VARS2: variants seen among roughly 807,000 people sequenced by gnomAD.
VARS2 encodes the protein valyl-tRNA synthetase 2, mitochondrial.
A neutral mutation model predicts 154.1 loss-of-function variants in VARS2; 105 were observed. The ratio of observed to expected loss-of-function variants is 0.68; its 90% CI spans 0.58 to 0.80. The LOEUF (loss-of-function observed/expected upper bound fraction) is 0.80. Ranked by LOEUF, VARS2 falls within the 30% of genes least tolerant of loss-of-function variation. The pLI is 0.00. For synonymous variants in VARS2, 483 were observed against 539.5 expected (o/e 0.90, Z 1.45); for missense variants, 1,157 against 1,361.4 (o/e 0.85, Z 2.36).
At chr6:30,915,523 C>A in intron 4 of VARS2, 68 bp downstream of exon 4, 3 of 1,513,754 alleles carry the variant, frequency 2.0e-6, no homozygotes, top group South Asian at 1.2e-5. Flanking sequence ...TACAACTGGA[C>A]CTCAGAGTTG....
chr6:30,914,341 C>A lies in VARS2; in HGVS notation c.-31C>A. On this transcript the variant is annotated 5_prime_UTR_variant, in exon 1 of 30. Coordinates refer to ENST00000676266, the MANE Select transcript of VARS2 (RefSeq NM_020442.6). ...GCGCCCTGGGATAGCGGCGGGGCCT[C>A]CTGGTGAGCGCGCGCCGGGGCGGCC... The A allele has an allele frequency of 1.6e-6, 2 of 1,236,222 alleles. No individual in the cohort carries two copies. The highest frequency in any genetic ancestry group is 2.0e-6 in the Non-Finnish European group (2 of 987,126). 76.6% of individuals were successfully genotyped at this position (1,236,222 alleles called of 1,614,324 possible).
intron 27 of VARS2, 76 bp from the exon 28 acceptor site, chr6:30,925,468 C>T: frequency 1.9e-6 from 3 of 1,563,052 alleles, no homozygotes; most frequent in Admixed American, 1.9e-5. Flanking sequence ...AAGGGCCAAC[C>T]CCCCCGTTAG....
chr6:30,917,267 C>G lies in VARS2; in HGVS notation c.873+43C>G. ...AAGCAGGTTTGTGAGAGCTCTGAGG[C>G]AGAGTGGTCAATGATTAAGAGCTCA... On this transcript the variant is annotated intron_variant, in intron 9 of 29. Coordinates refer to ENST00000676266, the MANE Select transcript of VARS2 (RefSeq NM_020442.6). The surrounding 1 kb of genome is among the most constrained non-coding windows in gnomAD (Gnocchi z 4.4). 3 of 1,613,378 alleles carry G rather than the reference C, an allele frequency of 1.9e-6. No homozygotes were observed. The South Asian group carries it at 3.3e-5, about 18-fold the overall frequency.
Position 30,926,097 on chromosome 6 carries a change from C to T in VARS2, c.3091-12C>T. 2 of 1,613,094 alleles carry T rather than the reference C, an allele frequency of 1.2e-6. No homozygotes were observed. The highest frequency in any genetic ancestry group is 1.7e-6 in the Non-Finnish European group (2 of 1,180,024). On this transcript the variant is annotated splice_polypyrimidine_tract_variant and intron_variant, in intron 29 of 29. Transcript: ENST00000676266. ...CATTCCTGGATCCTCACCTCCTTTT[C>T]TCCTCGTCCAGCTTTCTTCCCTCCA...
Position 30,926,195 on chromosome 6 carries a change from G to A in VARS2, c.3177G>A (p.Gly1059=), listed in dbSNP as rs1319751908. 3 of 1,613,090 alleles carry A rather than the reference G, an allele frequency of 1.9e-6. No homozygotes were observed. Among genetic ancestry groups the A allele is most frequent in the Non-Finnish European group, 2.5e-6 (3 of 1,180,024 alleles). ...TGATGGATGAGCCTCCAGCCCCAGG[G>A]AGCCCGGAGCTCTAACTCATCATCC... ...RQLMDEPPAP[G]SPEL is the part of the protein sequence containing the mutation. Residue 1059 remains glycine, a synonymous_variant, in exon 30 of 30, where the codon GGG becomes GGA. Coordinates refer to ENST00000676266, the MANE Select transcript of VARS2 (RefSeq NM_020442.6).
rs1443080270 is a variant in VARS2 at position 30,917,513 on chromosome 6, T to G, written c.874-182T>G. ...CATGGCTTAAGTGCTCAGTGAATAT[T>G]TATTAGAAGTGTGACTGCACGAGCA... On this transcript the variant is annotated intron_variant, in intron 9 of 29. Transcript: ENST00000676266. This position sits in a 1 kb window ranked among gnomAD's most constrained non-coding sequence, Gnocchi z 4.4. 6.6e-6 allele frequency among the ~76,000 whole-genome samples: 1 copy of G among 152,236 alleles called. No homozygotes were observed. Among genetic ancestry groups the G allele is most frequent in the African/African-American group, 2.4e-5 (1 of 41,450 alleles).
At position 30,916,603 on chromosome 6, in the gene VARS2, G is replaced by A; in HGVS notation, c.672-275G>A. 1.9e-6 allele frequency: 1 copy of A among 517,960 alleles called. No individual in the cohort carries two copies. Among genetic ancestry groups the A allele is most frequent in the East Asian group, 3.2e-5 (1 of 31,480 alleles). The allele number at this position is 517,960 out of a possible 1,614,324, so 32.1% of individuals were successfully genotyped here. A position where few individuals can be genotyped will look rare whatever the true frequency, so the allele number is the denominator to read the frequency against. On this transcript the variant is annotated intron_variant, in intron 7 of 29. Transcript: ENST00000676266. The surrounding 1 kb of genome is among the most constrained non-coding windows in gnomAD (Gnocchi z 4.0). ...CATGGAATTACCCTCATTCTTCTGG[G>A]TCTGTTATCTCATGCCATCTCTGTG...
intron 25 of VARS2, chr6:30,924,027 C>T: frequency 2.1e-6 from 1 of 471,676 alleles, no homozygotes. Flanking sequence ...GGTGCTGCTG[C>T]TGCTGGCTGT....
chr6:30,921,433 T>C lies in VARS2; in HGVS notation c.1632+128T>C. On this transcript the variant is annotated intron_variant, in intron 17 of 29. Coordinates refer to ENST00000676266, the MANE Select transcript of VARS2 (RefSeq NM_020442.6). The surrounding 1 kb of genome is among the most constrained non-coding windows in gnomAD (Gnocchi z 4.6). ...CTTCATGCTCATAGTCATGTAACCT[T>C]CTGCGCGATCAAGGCTCCCTGAAGT... The C allele has an allele frequency of 1.4e-6, 2 of 1,432,620 alleles. No individual in the cohort carries two copies. Among genetic ancestry groups the C allele is most frequent in the Non-Finnish European group, 1.9e-6 (2 of 1,035,830 alleles). 88.7% of individuals were successfully genotyped at this position (1,432,620 alleles called of 1,614,324 possible).
chr6:30,915,822 T>C lies in VARS2; in HGVS notation c.461T>C (p.Ile154Thr). Residue 154 changes from isoleucine to threonine, a missense_variant, in exon 5 of 30, where the codon ATT becomes ACT. Transcript: ENST00000676266. ...CCCAATGTCACTGGCTCCCTGCACA[T>C]TGGCCACGCACTCACGGTGGCCATA... ...PPPNVTGSLH[I>T]GHALTVAIQD... The C allele has an allele frequency of 6.2e-7, 1 of 1,614,112 alleles. No individual in the cohort carries two copies. The highest frequency in any genetic ancestry group is 1.1e-5 in the South Asian group (1 of 91,080).
intron 23 of VARS2, 54 bp downstream of exon 23, chr6:30,923,030 A>T: frequency 6.2e-7 from 1 of 1,605,802 alleles, no homozygotes; most frequent in Non-Finnish European, 8.5e-7. Flanking sequence ...GCACCTGTGC[A>T]GGGGCAGGGC....
At position 30,917,070 on chromosome 6, in the gene VARS2, G is replaced by T; in HGVS notation, c.754-35G>T. 3.1e-6 allele frequency: 5 copies of T among 1,614,232 alleles called. No individual in the cohort carries two copies. The highest frequency in any genetic ancestry group is 4.2e-6 in the Non-Finnish European group (5 of 1,180,046). ...CCTGAGCAGGGTGATGGGCTGAGAA[G>T]TGGCTCTTAGAGGTGGACACTCAGG... On this transcript the variant is annotated intron_variant, in intron 8 of 29. Transcript: ENST00000676266. This position sits in a 1 kb window ranked among gnomAD's most constrained non-coding sequence, Gnocchi z 4.4.
intron 2 of VARS2, 40 bp from the exon 3 acceptor site, chr6:30,915,116 G>A (rs969635642): frequency 3.7e-6 from 6 of 1,611,664 alleles, no homozygotes; most frequent in Non-Finnish European, 5.1e-6. Flanking sequence ...TGCAGTCTGG[G>A]GTATACTGGA....
chr6:30,917,934 T>A lies in VARS2; in HGVS notation c.985+128T>A. 1.0e-6 allele frequency: 1 copy of A among 960,714 alleles called. No individual in the cohort carries two copies. Among genetic ancestry groups the A allele is most frequent in the Non-Finnish European group, 1.6e-6 (1 of 633,610 alleles). 59.5% of individuals were successfully genotyped at this position (960,714 alleles called of 1,614,324 possible). A position where few individuals can be genotyped will look rare whatever the true frequency, so the allele number is the denominator to read the frequency against. ...TACCTTGGTAGTGTTCACCTCAGCG[T>A]GGGCACTTACCCAGGGTCTTCTGGG... On this transcript the variant is annotated intron_variant, in intron 10 of 29. Transcript: ENST00000676266. This position sits in a 1 kb window ranked among gnomAD's most constrained non-coding sequence, Gnocchi z 4.4.
chr6:30,915,507 C>T (rs188676932), intron 4 of VARS2, 52 bp downstream of exon 4: 2 of 1,562,484 alleles, frequency 1.3e-6, no homozygotes, highest in Admixed American at 1.7e-5. Context: ...CAGAGTGGCC[C>T]TTGAATACAA....
intron 21 of VARS2, 28 bp downstream of exon 21, chr6:30,922,582 C>A (rs1422781348): frequency 1.9e-6 from 3 of 1,558,568 alleles, no homozygotes; most frequent in Non-Finnish European, 2.6e-6. Context: ...ACTAGAGGGA[C>A]AAGGTTTGCA....
rs865856017 is a variant in VARS2, at chr6:30,922,465, A to C, written c.1948A>C (p.Met650Leu). Reference sequence around the variant, plus strand: ...CTGCCCCCAGGTGCTTCTTCATCCCATGGTTCGGGACAGGCAGGGCCGGAA... The same window carrying C: ...CTGCCCCCAGGTGCTTCTTCATCCCCTGGTTCGGGACAGGCAGGGCCGGAA... ...LPFSKVLLHPMVRDRQGRKMS... is the reference protein window; with the variant it reads ...LPFSKVLLHPLVRDRQGRKMS... Residue 650 changes from methionine (M) to leucine (L), a missense_variant, in exon 21 of 30, where the codon ATG becomes CTG. Physicochemically the swap from Met to Leu is conservative, Grantham distance 15. Transcript: ENST00000676266. The C allele has an allele frequency of 1.2e-6, 2 of 1,603,170 alleles. No homozygotes were observed. Among genetic ancestry groups the C allele is most frequent in the Non-Finnish European group, 1.7e-6 (2 of 1,175,850 alleles).
Position 30,916,558 on chromosome 6 carries a change from C to T in VARS2, c.671+309C>T. ...TAAATCTCACCTTCTTCCACTCGCCCATTCCCACCTTTCAATTCCCATGGA... is the reference window on the plus strand; with the variant it reads ...TAAATCTCACCTTCTTCCACTCGCCTATTCCCACCTTTCAATTCCCATGGA... On this transcript the variant is annotated intron_variant, in intron 7 of 29. Transcript: ENST00000676266. The surrounding 1 kb of genome is among the most constrained non-coding windows in gnomAD (Gnocchi z 4.0). 4.9e-6 allele frequency: 2 copies of T among 407,576 alleles called. No homozygotes were observed. The highest frequency in any genetic ancestry group is 8.6e-6 in the Non-Finnish European group (2 of 233,690). 25.2% of individuals were successfully genotyped at this position (407,576 alleles called of 1,614,324 possible).
chr6:30,924,302 G>A (rs1299406457), intron 25 of VARS2, 52 bp from the exon 26 acceptor site: 3 of 1,593,326 alleles, frequency 1.9e-6, no homozygotes, highest in Non-Finnish European at 2.6e-6. Context: ...TGGCTGTAGG[G>A]AGGAGGGCTG....
Sources: gnomAD v4.1 joint callset for allele counts (sites outside exome capture counted in the v4.1 genomes callset) on GRCh38, gnomAD v4.1.1 for gene constraint, Gnocchi (gnomAD v3.1) non-coding constraint, MANE v1.5 for transcripts, NCBI Gene and HGNC (gene_info 2026-07-23, HGNC 2026-07-21) for gene names.